ATP13A4: variants seen among roughly 807,000 people sequenced by gnomAD.
ATP13A4 encodes probable cation-transporting ATPase 13A4.
ATP13A4 carries 114 observed loss-of-function variants against 142.5 expected under a neutral mutation model. The observed-to-expected ratio is 0.80, with a 90% confidence interval of 0.69 to 0.93. ATP13A4 has a LOEUF of 0.93. Ranked by LOEUF, ATP13A4 falls within the 40% of genes least tolerant of loss-of-function variation. The pLI, the probability that ATP13A4 is intolerant of heterozygous loss-of-function variation, is 0.00. For synonymous variants in ATP13A4, 488 were observed against 514.8 expected, an observed-to-expected ratio of 0.95 and a Z score of 0.70; for missense variants, 1,392 against 1,454.0, an observed-to-expected ratio of 0.96 and a Z score of 0.69.
At chr3:193,412,441 G>A (rs1353035653) in intron 26 of ATP13A4, 70 bp from the exon 27 acceptor site, 1 of 1,433,912 alleles carries the variant, frequency 7.0e-7, no homozygotes, top group Non-Finnish European at 9.8e-7. Context: ...GTATCCAGAA[G>A]ATTCCATACC....
chr3:193,419,732 T>C (rs1162930299), intron 25 of ATP13A4, among the ~76,000 whole-genome samples: 1 of 149,934 alleles, frequency 6.7e-6, no homozygotes, highest in Non-Finnish European at 1.5e-5. Flanking sequence ...ACAGGAAAAA[T>C]AGCTCTAGTT....
chr3:193,492,702 T>C (rs925291614), intron 5 of ATP13A4, among the ~76,000 whole-genome samples: 5 of 152,132 alleles, frequency 3.3e-5, no homozygotes, highest in African/African-American at 1.2e-4. Flanking sequence ...ATTTGTTGTG[T>C]GGAAATGGTG....
intron 1 of ATP13A4, among the ~76,000 whole-genome samples, chr3:193,520,205 G>A (rs888023557): frequency 6.6e-6 from 1 of 152,126 alleles, no homozygotes; most frequent in Non-Finnish European, 1.5e-5. Context: ...GGGATGAAGG[G>A]CAAGAGAGAA....
At chr3:193,477,761 C>T (rs891381712) in intron 8 of ATP13A4, among the ~76,000 whole-genome samples, 17 of 152,030 alleles carry the variant, frequency 1.1e-4, no homozygotes, top group Non-Finnish European at 7.4e-5. Context: ...GAGATCTTGG[C>T]AGCTTGAGTT....
upstream of ATP13A4, chr3:193,555,081 G>C: frequency 1.7e-6 from 1 of 599,434 alleles, no homozygotes. Context: ...CTCCCATGCC[G>C]ATCTTTTTGT....
chr3:193,484,704 T>A (rs1178798290), intron 7 of ATP13A4, among the ~76,000 whole-genome samples: 2 of 152,236 alleles, frequency 1.3e-5, no homozygotes, highest in African/African-American at 4.8e-5. Flanking sequence ...AGTAACTCAT[T>A]CTTTTACCCA....
rs368191413 is a variant in ATP13A4 at position 193,401,393 on chromosome 3, T to TA, written c.*1258dup. Among the ~76,000 whole-genome samples, 190 of 149,974 alleles carry TA rather than the reference T, an allele frequency of 1.3e-3. No homozygotes were observed. Among genetic ancestry groups the TA allele is most frequent in the Middle Eastern group, 3.4e-3 (1 of 292 alleles). On this transcript the variant is annotated 3_prime_UTR_variant, in exon 30 of 30. Transcript: ENST00000342695. ...TTCTGGAAACTCAAGCCACAAACTT[T>TA]AAAAAAAAAATGTACTAGTTGTGTA...
At position 193,401,932 on chromosome 3, in the gene ATP13A4, C is replaced by T. The variant is rs1305866005; in HGVS notation, c.*720G>A. 1 of 152,274 alleles carries T rather than the reference C, an allele frequency of 6.6e-6. No individual in the cohort carries two copies. Among genetic ancestry groups the T allele is most frequent in the Non-Finnish European group, 1.5e-5 (1 of 68,116 alleles). The allele number at this position is 152,274 out of a possible 1,614,324, so 9.4% of individuals were successfully genotyped here. On this transcript the variant is annotated 3_prime_UTR_variant, in exon 30 of 30. Coordinates refer to ENST00000342695, the MANE Select transcript of ATP13A4 (RefSeq NM_032279.4). The stretch of plus-strand genomic sequence containing the variant: ...GAAGAGCCCACACGTGATCTCCAGT[C>T]TATTCCTTCCCCCATCACAGTCAAC...
intron 29 of ATP13A4, among the ~76,000 whole-genome samples, chr3:193,405,033 G>A (rs751258584): frequency 1.3e-5 from 2 of 152,192 alleles, no homozygotes; most frequent in Non-Finnish European, 2.9e-5. Flanking sequence ...GGCATAGTAA[G>A]GATAAGGTCC....
intron 14 of ATP13A4, chr3:193,458,837 C>T (rs765925489): frequency 6.5e-6 from 4 of 617,262 alleles, no homozygotes; most frequent in Non-Finnish European, 1.1e-5. Flanking sequence ...ATTTGCCAGG[C>T]ATAGTGCCAA....
intron 8 of ATP13A4, among the ~76,000 whole-genome samples, chr3:193,476,139 T>C (rs552870150): frequency 6.6e-5 from 10 of 152,166 alleles, no homozygotes; most frequent in African/African-American, 2.4e-4. Context: ...CATTTTATCT[T>C]AAAAAGTTAT....
chr3:193,500,569 G>C (rs113152048), intron 3 of ATP13A4, among the ~76,000 whole-genome samples: 1 of 152,078 alleles, frequency 6.6e-6, no homozygotes, highest in African/African-American at 2.4e-5. Flanking sequence ...TCCCTCACAT[G>C]CGCAGTTCAC....
upstream of ATP13A4, among the ~76,000 whole-genome samples, chr3:193,557,829 C>T (rs1008884549): frequency 6.6e-6 from 1 of 152,168 alleles, no homozygotes; most frequent in Non-Finnish European, 1.5e-5. Flanking sequence ...AATGCTTCAA[C>T]AGGTGGAGAT....
rs76466746 is a variant in ATP13A4 at position 193,548,457 on chromosome 3, G to A, written c.60+6283C>T. On this transcript the variant is annotated intron_variant, in intron 1 of 29. Transcript: ENST00000342695. ...TCGAAGATGAGTTGACTTCATGGGA[G>A]TTCTGCAGCAATGAATTGAGAATAA... is the stretch of plus-strand genomic sequence containing the variant. Among the ~76,000 whole-genome samples the A allele has an allele frequency of 5.4e-3, 830 of 152,304 alleles. 13 individuals are homozygous for A. Among genetic ancestry groups the A allele is most frequent in the African/African-American group, 0.019 (781 of 41,572 alleles).
chr3:193,465,989 G>C, intron 11 of ATP13A4, 36 bp downstream of exon 11: 12 of 1,607,664 alleles, frequency 7.5e-6, no homozygotes, highest in Non-Finnish European at 1.0e-5. Flanking sequence ...AGAGATGAGT[G>C]TGTGTGCATT....
intron 8 of ATP13A4, among the ~76,000 whole-genome samples, chr3:193,472,075 T>C (rs1718662007): frequency 6.6e-6 from 1 of 152,116 alleles, no homozygotes; most frequent in African/African-American, 2.4e-5. Flanking sequence ...AGTGGGAGCA[T>C]CAGCGGTGAT....
chr3:193,580,364 G>A (rs75745995), intron 2 of ATP13A4, among the ~76,000 whole-genome samples: 10,258 of 152,040 alleles, frequency 0.067, 405 homozygotes, highest in Non-Finnish European at 0.088. Context: ...GCCTCAACTT[G>A]GTTTATCTTG....
chr3:193,438,472 T>C lies in ATP13A4; in HGVS notation c.2672+3A>G. The C allele has an allele frequency of 6.2e-7, 1 of 1,602,084 alleles. No individual in the cohort carries two copies. The highest frequency in any genetic ancestry group is 8.6e-7 in the Non-Finnish European group (1 of 1,169,064). On this transcript the variant is annotated splice_donor_region_variant and intron_variant, in intron 23 of 29. Coordinates refer to ENST00000342695, the MANE Select transcript of ATP13A4 (RefSeq NM_032279.4). ...AACAATGTTTGAGGAAGTGCCTACT[T>C]ACTTGATAAGGTGAGGTACGCACTC... is the stretch of plus-strand genomic sequence containing the variant.
At chr3:193,403,895 T>C in intron 29 of ATP13A4, 1 of 984,700 alleles carries the variant, frequency 1.0e-6, no homozygotes, top group Non-Finnish European at 1.2e-6. Context: ...GTTAATTCTG[T>C]GAGATTCTAT....
Sources: gnomAD v4.1 joint callset for allele counts (sites outside exome capture counted in the v4.1 genomes callset) on GRCh38, gnomAD v4.1.1 for gene constraint, MANE v1.5 for transcripts, NCBI Gene and HGNC (gene_info 2026-07-23, HGNC 2026-07-21) for gene names.